CMIP: variants seen among roughly 807,000 people sequenced by gnomAD.
CMIP encodes c-Maf inducing protein.
Under a neutral mutation model 97.3 loss-of-function variants are expected in CMIP, and 13 were observed. The ratio of observed to expected loss-of-function variants is 0.13; its 90% CI spans 0.09 to 0.21. CMIP has a LOEUF of 0.21. CMIP is among the 10% of genes least tolerant of loss of function. The probability of loss-of-function intolerance (pLI) is 1.00; values close to 1 mark genes in which losing one functional copy is unlikely to be tolerated. For synonymous variants in CMIP, 538 were observed against 436.3 expected, an observed-to-expected ratio of 1.23 and a Z score of -2.91; for missense variants, 847 against 1,024.9, an observed-to-expected ratio of 0.83 and a Z score of 2.37.
chr16:81,550,017 AAAT>A (rs2090622710), intron 1 of CMIP, among the ~76,000 whole-genome samples: 3 of 152,226 alleles, frequency 2.0e-5, no homozygotes, highest in South Asian at 4.1e-4. Context: ...GTGCGTGGGC[AAAT>A]GTGTGCACAT....
chr16:81,585,635 C>T (rs758086472), intron 1 of CMIP, among the ~76,000 whole-genome samples: 22 of 152,132 alleles, frequency 1.4e-4, no homozygotes, highest in Admixed American at 3.3e-4. Context: ...CATGTCGTAG[C>T]GTGTGTCAGT....
chr16:81,534,465 C>T (rs1270743443), intron 1 of CMIP, among the ~76,000 whole-genome samples: 1 of 152,102 alleles, frequency 6.6e-6, no homozygotes, highest in African/African-American at 2.4e-5. Flanking sequence ...GCAGTTATTA[C>T]TCTCCAACTT....
Position 81,671,999 on chromosome 16 carries a change from C to T in CMIP, c.963C>T (p.Pro321=), listed in dbSNP as rs779892237. 6.9e-6 allele frequency: 11 copies of T among 1,602,334 alleles called. No homozygotes were observed. The East Asian group carries it at 1.3e-4, about 20-fold the overall frequency. ...GCCCCACAGGGCACTGCCCCCACCC[C>T]CGGGTCCTGCCCAACCTGGTGGCCG... is the stretch of plus-strand genomic sequence containing the variant. ...MHGPTGHCPH[P]RVLPNLVAVC... is the part of the protein sequence containing the mutation. The change falls in exon 9 of 21, where the codon CCC becomes CCT. Residue 321 remains proline, a synonymous_variant. Coordinates refer to ENST00000537098, the MANE Select transcript of CMIP (RefSeq NM_198390.3).
chr16:81,483,208 G>A (rs988447407), intron 1 of CMIP, among the ~76,000 whole-genome samples: 2 of 152,208 alleles, frequency 1.3e-5, no homozygotes, highest in African/African-American at 2.4e-5. Flanking sequence ...CACTTGAGCA[G>A]GTTTGGAAAA....
At chr16:81,471,347 T>C (rs934452679) in intron 1 of CMIP, among the ~76,000 whole-genome samples, 3 of 152,204 alleles carry the variant, frequency 2.0e-5, no homozygotes, top group Admixed American at 1.3e-4. Context: ...TATGTATAGG[T>C]GCACACATAT....
intron 1 of CMIP, among the ~76,000 whole-genome samples, chr16:81,526,106 A>G (rs886189384): frequency 6.6e-6 from 1 of 152,090 alleles, no homozygotes; most frequent in Admixed American, 6.6e-5. Context: ...GAACATTGGT[A>G]TATAAGTATC....
intron 1 of CMIP, among the ~76,000 whole-genome samples, chr16:81,456,379 C>G (rs527969382): frequency 6.6e-6 from 1 of 152,334 alleles, no homozygotes; most frequent in East Asian, 1.9e-4. Context: ...AGCTGGAACC[C>G]AGGCAGCCTA....
chr16:81,618,060 T>G (rs986371176), intron 2 of CMIP, among the ~76,000 whole-genome samples: 2 of 152,206 alleles, frequency 1.3e-5, no homozygotes, highest in Non-Finnish European at 2.9e-5. Flanking sequence ...ACAACTCACA[T>G]CCGCGTTATA....
At chr16:81,525,349 G>A (rs2090110720) in intron 1 of CMIP, among the ~76,000 whole-genome samples, 2 of 151,676 alleles carry the variant, frequency 1.3e-5, no homozygotes, top group South Asian at 4.2e-4. Context: ...CACCATGTTG[G>A]CCAGGCTGGT....
chr16:81,569,392 G>T (rs540510629), intron 1 of CMIP, among the ~76,000 whole-genome samples: 3 of 152,328 alleles, frequency 2.0e-5, no homozygotes, highest in African/African-American at 7.2e-5. Flanking sequence ...CCAGCCTCAA[G>T]CCCGTGCTCT....
intron 1 of CMIP, among the ~76,000 whole-genome samples, chr16:81,525,278 G>T (rs911503008): frequency 1.3e-5 from 2 of 151,834 alleles, no homozygotes; most frequent in African/African-American, 4.8e-5. Flanking sequence ...CAAGTAGCTG[G>T]GGTTACAGGC....
At chr16:81,499,433 C>T (rs950465473) in intron 1 of CMIP, among the ~76,000 whole-genome samples, 4 of 152,214 alleles carry the variant, frequency 2.6e-5, no homozygotes, top group Admixed American at 2.6e-4. Context: ...TCTGATTTCT[C>T]CCAAGTGCCC....
chr16:81,707,108 T>G (rs1908237186), intron 20 of CMIP, 24 bp downstream of exon 20: 1 of 1,595,536 alleles, frequency 6.3e-7, no homozygotes, highest in Non-Finnish European at 8.6e-7. Flanking sequence ...TCCTCCCCAC[T>G]CTCCTCCCCT....
chr16:81,655,546 G>C lies in CMIP; in HGVS notation c.640-2229G>C, dbSNP rs938787076. Among the ~76,000 whole-genome samples, 4 of 152,166 alleles carry C rather than the reference G, an allele frequency of 2.6e-5. No individual in the cohort carries two copies. The highest frequency in any genetic ancestry group is 2.6e-4 in the Admixed American group (4 of 15,272). On this transcript the variant is annotated intron_variant, in intron 4 of 20. Transcript: ENST00000537098. The surrounding 1 kb of genome is among the most constrained non-coding windows in gnomAD (Gnocchi z 4.9). ...TCTACCAGGGGTGGAAAATGGCCCT[G>C]GGGGAGAGAAGGCTCCCTGTAGAAT...
intron 1 of CMIP, among the ~76,000 whole-genome samples, chr16:81,510,231 C>T (rs879375783): frequency 3.5e-4 from 54 of 152,262 alleles, no homozygotes; most frequent in Non-Finnish European, 7.2e-4. Flanking sequence ...GTGCTCGCTC[C>T]TCACAGCTGC....
chr16:81,495,080 G>T (rs551068084), intron 1 of CMIP, among the ~76,000 whole-genome samples: 1 of 152,306 alleles, frequency 6.6e-6, no homozygotes, highest in Non-Finnish European at 1.5e-5. Flanking sequence ...TGACCTCTCT[G>T]AGCTTCAGTT....
intron 20 of CMIP, among the ~76,000 whole-genome samples, chr16:81,707,484 A>T (rs1341130114): frequency 1.3e-5 from 2 of 152,202 alleles, no homozygotes; most frequent in African/African-American, 4.8e-5. Context: ...GGATGGAAAA[A>T]GCCCTCACAG....
intron 3 of CMIP, among the ~76,000 whole-genome samples, chr16:81,640,284 AG>A (rs913458403): frequency 2.1e-5 from 2 of 94,642 alleles, no homozygotes; most frequent in Admixed American, 1.3e-4. Context: ...ATAGGACATC[AG>A]GCCCCCCCCC....
intron 2 of CMIP, 54 bp from the exon 3 acceptor site, chr16:81,620,820 CCT>C: frequency 6.2e-7 from 1 of 1,608,156 alleles, no homozygotes; most frequent in East Asian, 2.2e-5. Flanking sequence ...CTTGAAATGC[CCT>C]GAGATGCCGC....
Sources: gnomAD v4.1 joint callset for allele counts (sites outside exome capture counted in the v4.1 genomes callset) on GRCh38, gnomAD v4.1.1 for gene constraint, Gnocchi (gnomAD v3.1) non-coding constraint, MANE v1.5 for transcripts, NCBI Gene and HGNC (gene_info 2026-07-23, HGNC 2026-07-21) for gene names.